Variants in TSPAN12 observed in about 807,000 individuals in gnomAD.
TSPAN12 encodes tetraspanin-12.
A neutral mutation model predicts 39.2 loss-of-function variants in TSPAN12; 19 were observed. That is an observed-to-expected ratio of 0.49 (90% CI 0.34 to 0.71). The LOEUF is 0.71. Among genes scored for constraint, TSPAN12 ranks in the 30% least tolerant of loss-of-function variants. The probability of loss-of-function intolerance (pLI) is 0.01; values close to 1 mark genes in which losing one functional copy is unlikely to be tolerated. For synonymous variants in TSPAN12, 119 were observed against 124.8 expected (o/e 0.95, Z 0.31); for missense variants, 314 against 359.9 (o/e 0.87, Z 1.03).
chr7:120,838,858 A>G lies in TSPAN12; in HGVS notation c.204T>C (p.Ile68=), dbSNP rs1407804326. The change falls in exon 4 of 8, where the codon ATT becomes ATC. Residue 68 remains isoleucine (I), a synonymous_variant. Coordinates refer to ENST00000222747, the MANE Select transcript of TSPAN12 (RefSeq NM_012338.4). The part of the protein sequence containing the change: ...TYFPVVHPVM[I]AVCCFLIIVG... ...CAATGATAAGGAAACAGCAAACAGC[A>G]ATCATGACCGGATGAACCACAGGAA... 3 of 1,614,056 alleles carry G rather than the reference A, an allele frequency of 1.9e-6. No homozygotes were observed. The highest frequency in any genetic ancestry group is 8.5e-7 in the Non-Finnish European group (1 of 1,179,948).
chr7:120,799,975 A>G (rs1313845686), intron 7 of TSPAN12, among the ~76,000 whole-genome samples: 1 of 149,970 alleles, frequency 6.7e-6, no homozygotes, highest in Non-Finnish European at 1.5e-5. Context: ...AGTTATTTCT[A>G]TCAGTCAAAA....
At chr7:120,836,175 G>A (rs1398270597) in intron 4 of TSPAN12, among the ~76,000 whole-genome samples, 1 of 152,170 alleles carries the variant, frequency 6.6e-6, no homozygotes, top group African/African-American at 2.4e-5. Context: ...TAGAGGAGTG[G>A]GATGTGGGGA....
chr7:120,853,149 A>G (rs1794801660), intron 2 of TSPAN12, among the ~76,000 whole-genome samples: 1 of 149,798 alleles, frequency 6.7e-6, no homozygotes, highest in South Asian at 2.1e-4. Flanking sequence ...CCTGTAGTGC[A>G]GTGGGGCAAT....
chr7:120,831,800 T>C (rs1031944627), intron 4 of TSPAN12, among the ~76,000 whole-genome samples: 5 of 152,030 alleles, frequency 3.3e-5, no homozygotes, highest in African/African-American at 4.8e-5. Flanking sequence ...TCAAAATTGC[T>C]AAAATAGTAA....
At chr7:120,824,440 C>CA (rs58335612) in intron 4 of TSPAN12, among the ~76,000 whole-genome samples, 48 of 143,564 alleles carry the variant, frequency 3.3e-4, no homozygotes, top group South Asian at 6.7e-4. Context: ...GACTCCATTT[C>CA]AAAAAAAAAA....
chr7:120,839,391 G>A (rs967986376), intron 3 of TSPAN12, among the ~76,000 whole-genome samples: 34 of 152,080 alleles, frequency 2.2e-4, no homozygotes, highest in African/African-American at 8.2e-4. Context: ...TACATTTAAA[G>A]AAAGGAATAG....
intron 2 of TSPAN12, among the ~76,000 whole-genome samples, chr7:120,842,150 T>C (rs1794589870): frequency 6.6e-6 from 1 of 152,228 alleles, no homozygotes; most frequent in African/African-American, 2.4e-5. Context: ...GAAATGAGTC[T>C]GCGCTAACTC....
At chr7:120,798,810 G>A (rs750939986) in intron 7 of TSPAN12, among the ~76,000 whole-genome samples, 59 of 152,082 alleles carry the variant, frequency 3.9e-4, no homozygotes, top group Non-Finnish European at 6.9e-4. Flanking sequence ...TCTTGGCTGG[G>A]AATGCCCTTT....
intron 7 of TSPAN12, among the ~76,000 whole-genome samples, chr7:120,804,206 A>G (rs1274422904): frequency 2.0e-5 from 3 of 152,168 alleles, no homozygotes; most frequent in African/African-American, 7.2e-5. Context: ...ACTTCTAACT[A>G]TACTGTAGCC....
intron 4 of TSPAN12, among the ~76,000 whole-genome samples, chr7:120,821,704 T>C (rs1325141254): frequency 6.6e-6 from 1 of 152,182 alleles, no homozygotes; most frequent in Non-Finnish European, 1.5e-5. Flanking sequence ...AAACTCCACA[T>C]GAACAAGAGG....
chr7:120,844,911 C>A (rs1037059973), intron 2 of TSPAN12, among the ~76,000 whole-genome samples: 3 of 152,230 alleles, frequency 2.0e-5, no homozygotes, highest in Non-Finnish European at 4.4e-5. Flanking sequence ...TTCGGCACTG[C>A]TCTAGTAGAG....
chr7:120,823,708 G>A (rs774346085), intron 4 of TSPAN12, among the ~76,000 whole-genome samples: 15 of 152,074 alleles, frequency 9.9e-5, no homozygotes, highest in Non-Finnish European at 1.5e-4. Flanking sequence ...TTAGAGATAC[G>A]GAAGTAAATT....
chr7:120,796,708 A>G (rs148792548), intron 7 of TSPAN12, among the ~76,000 whole-genome samples: 102 of 152,304 alleles, frequency 6.7e-4, no homozygotes, highest in African/African-American at 2.2e-3. Flanking sequence ...CCCTGGCTGC[A>G]TACATTGCAT....
Position 120,819,566 on chromosome 7 carries a change from C to T in TSPAN12, c.286-3763G>A, listed in dbSNP as rs190847188. Among the ~76,000 whole-genome samples the T allele has an allele frequency of 4.6e-5, 7 of 152,198 alleles. No individual in the cohort carries two copies. In the East Asian group the frequency reaches 1.3e-3, roughly 29 times the overall value. ...TTTGAGGTTGAAAAGACAAGTTTCA[C>T]CAACATTATAACACTTTCTTGGAAT... is the stretch of plus-strand genomic sequence containing the variant. On this transcript the variant is annotated intron_variant, in intron 4 of 7. Transcript: ENST00000222747.
rs186820503 is a variant in TSPAN12, at chr7:120,837,789, G to A, written c.285+988C>T. ...CTTGGCATGGGAGCCAGTCAAGCAC[G>A]AGTGTGTGGGAGCTGGCTCCTTGAG... On this transcript the variant is annotated intron_variant, in intron 4 of 7. Transcript: ENST00000222747. Among the ~76,000 whole-genome samples the A allele has an allele frequency of 9.2e-5, 14 of 152,318 alleles. No individual in the cohort carries two copies. The East Asian group carries it at 2.7e-3, about 29-fold the overall frequency.
At chr7:120,852,653 T>C (rs565741707) in intron 2 of TSPAN12, among the ~76,000 whole-genome samples, 113 of 152,226 alleles carry the variant, frequency 7.4e-4, no homozygotes, top group Non-Finnish European at 1.4e-3. Flanking sequence ...CTAGAGAACT[T>C]GGAATGAGCA....
intron 6 of TSPAN12, among the ~76,000 whole-genome samples, chr7:120,809,005 C>T (rs1333695516): frequency 6.6e-6 from 1 of 150,586 alleles, no homozygotes; most frequent in Admixed American, 6.6e-5. Context: ...ATATGGAAGA[C>T]ATAGTGAAGA....
intron 7 of TSPAN12, among the ~76,000 whole-genome samples, chr7:120,799,748 T>A (rs569473672): frequency 1.5e-5 from 2 of 132,942 alleles, no homozygotes; most frequent in Admixed American, 1.6e-4. Flanking sequence ...TTTATATATA[T>A]AATTTAATTT....
intron 7 of TSPAN12, among the ~76,000 whole-genome samples, chr7:120,797,596 A>T (rs1330203391): frequency 6.6e-6 from 1 of 152,216 alleles, no homozygotes; most frequent in East Asian, 1.9e-4. Context: ...CACATGGAAT[A>T]CCTGACAAGA....
Sources: allele counts gnomAD v4.1 joint callset (sites outside exome capture counted in the v4.1 genomes callset), GRCh38; gene constraint gnomAD v4.1.1; transcripts MANE v1.5; gene names NCBI Gene and HGNC (gene_info 2026-07-23, HGNC 2026-07-21).